Variants in ITGAD observed in about 807,000 individuals in gnomAD.
ITGAD encodes integrin subunit alpha D.
In ITGAD, 105 loss-of-function variants were observed where a neutral mutation model predicts 139.0. The observed-to-expected ratio is 0.76, with a 90% CI of 0.65 to 0.89. The LOEUF (loss-of-function observed/expected upper bound fraction) is 0.89. ITGAD is among the 40% of genes least tolerant of loss of function. ITGAD has a pLI of 0.00. For missense variants in ITGAD, 1,384 were observed against 1,487.3 expected, an observed-to-expected ratio of 0.93 and a Z score of 1.14; for synonymous variants, 569 against 598.3, an observed-to-expected ratio of 0.95 and a Z score of 0.71.
At position 31,397,691 on chromosome 16, in the gene ITGAD, G is replaced by C. The variant is rs555808092; in HGVS notation, c.312+25G>C. ...GGTGAGTGAGTGTCTTGGGCCACGGGGGGGTGGGGTGGGGCGGGGGGTGTT... is the reference window on the plus strand; with the variant it reads ...GGTGAGTGAGTGTCTTGGGCCACGGCGGGGTGGGGTGGGGCGGGGGGTGTT... On this transcript the variant is annotated intron_variant, in intron 4 of 29. Coordinates refer to ENST00000389202, the MANE Select transcript of ITGAD (RefSeq NM_005353.3). The C allele has an allele frequency of 6.1e-5, 94 of 1,541,492 alleles. No individual in the cohort carries two copies. The Middle Eastern group carries it at 7.4e-4, about 12-fold the overall frequency.
chr16:31,423,376 C>T lies in ITGAD; in HGVS notation c.2884C>T (p.Leu962=). 1 of 1,614,128 alleles carries T rather than the reference C, an allele frequency of 6.2e-7. No homozygotes were observed. Among genetic ancestry groups the T allele is most frequent in the Non-Finnish European group, 8.5e-7 (1 of 1,179,998 alleles). ...GGTGAATAACCTCAGCCAGCGAGAT[C>T]TGGCCATCAGCATTAACTTCTGGGT... The part of the protein sequence containing the change: ...YRVNNLSQRD[L]AISINFWVPV... The change falls in exon 25 of 30, where the codon CTG becomes TTG. Residue 962 remains leucine (L), a synonymous_variant. Transcript: ENST00000389202.
At chr16:31,422,105 ATT>A (rs537741434) in intron 23 of ITGAD, among the ~76,000 whole-genome samples, 7,130 of 137,376 alleles carry the variant, frequency 0.052, 224 homozygotes, top group South Asian at 0.12. Context: ...TAATGTTTGT[ATT>A]TTTTTTTTTT....
At position 31,402,283 on chromosome 16, in the gene ITGAD, G is replaced by A. The variant is rs200753278; in HGVS notation, c.558+38G>A. The A allele has an allele frequency of 7.4e-5, 112 of 1,508,724 alleles. No individual in the cohort carries two copies. In the East Asian group the frequency reaches 1.9e-3, roughly 25 times the overall value. The allele number at this position is 1,508,724 out of a possible 1,614,324, so 93.5% of individuals were successfully genotyped here. The stretch of plus-strand genomic sequence containing the variant: ...CACCTGGGGCTGGGGTTTGGGGGAC[G>A]GGGGAGGCTGGCCTCGGGGAGGCAT... On this transcript the variant is annotated intron_variant, in intron 6 of 29. Transcript: ENST00000389202.
chr16:31,397,541 T>A (rs1471185272), intron 3 of ITGAD, 55 bp from the exon 4 acceptor site: 4 of 1,597,912 alleles, frequency 2.5e-6, no homozygotes, highest in Non-Finnish European at 3.4e-6. Flanking sequence ...AGTCCAGACC[T>A]TCCCCGCAAA....
rs1478012667 is a variant in ITGAD at position 31,410,473 on chromosome 16, A to C, written c.1162A>C (p.Thr388Pro). ...CCTGTATCCCCCAAATATGAGCCCC[A>C]CCTTCATCAACATGTCTCAGGAGAA... ...AFLYPPNMSP[T>P]FINMSQENVD... Residue 388 changes from threonine (T) to proline (P), a missense_variant, in exon 11 of 30, where the codon ACC (threonine) becomes CCC (proline). By Grantham distance (38) the Thr-to-Pro change is conservative (BLOSUM62 -1). Transcript: ENST00000389202. The C allele has an allele frequency of 6.2e-7, 1 of 1,613,618 alleles. No homozygotes were observed. Among genetic ancestry groups the C allele is most frequent in the Non-Finnish European group, 8.5e-7 (1 of 1,179,886 alleles).
Position 31,402,257 on chromosome 16 carries a change from G to A in ITGAD, c.558+12G>A, listed in dbSNP as rs954646695. On this transcript the variant is annotated intron_variant, in intron 6 of 29. Transcript: ENST00000389202. ...GCACTGACACCCTGGTGAAGACTGG[G>A]CACCTGGGGCTGGGGTTTGGGGGAC... 1.4e-5 allele frequency: 18 copies of A among 1,261,300 alleles called. No homozygotes were observed. The African/African-American group carries it at 1.7e-4, about 12-fold the overall frequency. The allele number at this position is 1,261,300 out of a possible 1,614,324, so 78.1% of individuals were successfully genotyped here.
rs772591197 is a variant in ITGAD at position 31,414,932 on chromosome 16, TC to T, written c.2230del (p.Gln744ArgfsTer47). 1.9e-6 allele frequency: 3 copies of T among 1,613,798 alleles called. No homozygotes were observed. The highest frequency in any genetic ancestry group is 4.5e-5 in the East Asian group (2 of 44,880). On this transcript the variant is annotated frameshift_variant, in exon 18 of 30. Coordinates refer to ENST00000389202, the MANE Select transcript of ITGAD (RefSeq NM_005353.3). LOFTEE classifies it high-confidence loss of function. ...NFSLVREPIP[S>X]PQNLRPVLAV... ...CTCACTGGTGAGAGAGCCCATCCCC[TC>T]CCCCCAGAACCTGCGTCCTGTGCTG...
At position 31,407,342 on chromosome 16, in the gene ITGAD, C is replaced by T. The variant is rs1300220386; in HGVS notation, c.705-173C>T. Among the ~76,000 whole-genome samples the T allele has an allele frequency of 2.0e-5, 3 of 152,126 alleles. No homozygotes were observed. The East Asian group carries it at 5.8e-4, about 29-fold the overall frequency. On this transcript the variant is annotated intron_variant, in intron 7 of 29. Coordinates refer to ENST00000389202, the MANE Select transcript of ITGAD (RefSeq NM_005353.3). ...GCACTCCAGAGCCTGGGCATCAGAG[C>T]GAGACTCTGTCTCAAAAGAAAACCC...
chr16:31,405,264 C>T (rs1468592583), intron 7 of ITGAD, among the ~76,000 whole-genome samples: 4 of 151,908 alleles, frequency 2.6e-5, no homozygotes, highest in Admixed American at 1.3e-4. Flanking sequence ...GGATTACAGG[C>T]GTGAGCCACC....
At chr16:31,412,753 T>A (rs575706702) in intron 14 of ITGAD, 85 bp from the exon 15 acceptor site, 2 of 1,562,330 alleles carry the variant, frequency 1.3e-6, no homozygotes, top group South Asian at 2.3e-5. Context: ...TTTGCCACCA[T>A]CCTACCTCCA....
intron 26 of ITGAD, 82 bp downstream of exon 26, chr16:31,423,730 C>A: frequency 6.6e-7 from 1 of 1,516,242 alleles, no homozygotes; most frequent in South Asian, 1.1e-5. Flanking sequence ...CCACAGAGTT[C>A]CGTGCATGTC....
At chr16:31,421,029 C>G (rs924155741) in intron 23 of ITGAD, among the ~76,000 whole-genome samples, 1 of 152,204 alleles carries the variant, frequency 6.6e-6, no homozygotes, top group African/African-American at 2.4e-5. Context: ...CCATGTCAGG[C>G]ACGTTTTATG....
intron 23 of ITGAD, among the ~76,000 whole-genome samples, chr16:31,419,309 A>G (rs1170449712): frequency 6.6e-6 from 1 of 152,192 alleles, no homozygotes; most frequent in Non-Finnish European, 1.5e-5. Flanking sequence ...TAGCAGTTGT[A>G]ACATTGTAGT....
chr16:31,402,856 T>C (rs1264594572), intron 6 of ITGAD: 9 of 152,280 alleles, frequency 5.9e-5, no homozygotes, highest in Non-Finnish European at 1.5e-5. Flanking sequence ...CCCTCCCACC[T>C]TGGCCTCTCA....
rs2082115181 is a variant in ITGAD at position 31,426,342 on chromosome 16, G to A, written c.*214G>A. On this transcript the variant is annotated 3_prime_UTR_variant, in exon 30 of 30. Transcript: ENST00000389202. ...CCCACTTTTTACAGAAGCAGGCATG[G>A]TGCCAGCATAAATTTTCATATGCTT... The A allele has an allele frequency of 2.0e-6, 1 of 502,108 alleles. No individual in the cohort carries two copies. The allele number at this position is 502,108 out of a possible 1,614,324, so 31.1% of individuals were successfully genotyped here.
At chr16:31,416,415 C>A in intron 19 of ITGAD, 90 bp from the exon 20 acceptor site, 2 of 1,534,952 alleles carry the variant, frequency 1.3e-6, no homozygotes, top group Admixed American at 1.8e-5. Context: ...TGGCCCAGAG[C>A]TCCAGAGTTC....
At position 31,413,239 on chromosome 16, in the gene ITGAD, C is replaced by A; in HGVS notation, c.1989C>A (p.Asp663Glu). The A allele has an allele frequency of 6.2e-7, 1 of 1,614,102 alleles. No individual in the cohort carries two copies. The stretch of plus-strand genomic sequence containing the variant: ...TCACCATCCAGAAAAGCTCACTGGA[C>A]CAGCTAGGTGTGTTTCCCCCATAAA... ...VCLTIQKSSL[D>E]QLGDIQSSVR... is the part of the protein sequence containing the mutation. Residue 663 changes from aspartate to glutamate, a missense_variant, in exon 16 of 30, where the codon GAC becomes GAA. Transcript: ENST00000389202.
Position 31,402,138 on chromosome 16 carries a change from A to C in ITGAD, c.451A>C (p.Ile151Leu), listed in dbSNP as rs1354181227. The change falls in exon 6 of 30, where the codon ATC becomes CTC. Residue 151 changes from isoleucine (I) to leucine (L), a missense_variant. Ile to Leu is a conservative substitution (Grantham distance 5). Transcript: ENST00000389202. Reference sequence around the variant, plus strand: ...AGAGTGTCCACATCAAGAGATGGACATCGTCTTCCTGATTGACGGCTCTGG... The same window carrying C: ...AGAGTGTCCACATCAAGAGATGGACCTCGTCTTCCTGATTGACGGCTCTGG... ...TPECPHQEMD[I>L]VFLIDGSGSI... 6 of 1,613,998 alleles carry C rather than the reference A, an allele frequency of 3.7e-6. No homozygotes were observed. Among genetic ancestry groups the C allele is most frequent in the Non-Finnish European group, 5.1e-6 (6 of 1,179,868 alleles).
At chr16:31,411,906 C>T (rs1409706092) in intron 14 of ITGAD, among the ~76,000 whole-genome samples, 1 of 152,210 alleles carries the variant, frequency 6.6e-6, no homozygotes, top group African/African-American at 2.4e-5. Flanking sequence ...ACTGCACTCA[C>T]TGAAGGTTCA....
Sources: allele counts gnomAD v4.1 joint callset (sites outside exome capture counted in the v4.1 genomes callset), GRCh38; gene constraint gnomAD v4.1.1; transcripts MANE v1.5; gene names NCBI Gene and HGNC (gene_info 2026-07-23, HGNC 2026-07-21).